DHDDS: variants seen among roughly 807,000 people sequenced by gnomAD.
DHDDS encodes dehydrodolichyl diphosphate synthase complex subunit DHDDS.
In DHDDS, 16 loss-of-function variants were observed where a neutral mutation model predicts 46.2. The ratio of observed to expected loss-of-function variants is 0.35; its 90% CI spans 0.23 to 0.53. DHDDS has a LOEUF of 0.53. DHDDS is among the 20% of genes least tolerant of loss of function. DHDDS has a pLI of 0.94. For missense variants in DHDDS, 340 were observed against 423.7 expected, an observed-to-expected ratio of 0.80 and a Z score of 1.73; for synonymous variants, 151 against 163.1, an observed-to-expected ratio of 0.93 and a Z score of 0.56.
chr1:26,468,606 T>C (rs1253794119), intron 8 of DHDDS, among the ~76,000 whole-genome samples: 3 of 152,200 alleles, frequency 2.0e-5, no homozygotes, highest in Admixed American at 2.0e-4. Context: ...GAATCAGAAG[T>C]CAGACCCACA....
chr1:26,466,680 T>C (rs2075491469), intron 8 of DHDDS, among the ~76,000 whole-genome samples: 1 of 152,250 alleles, frequency 6.6e-6, no homozygotes, highest in Admixed American at 6.5e-5. Flanking sequence ...TGAAGTGGCT[T>C]TAGCTAGCTC....
intron 6 of DHDDS, among the ~76,000 whole-genome samples, chr1:26,450,636 G>A (rs1279571230): frequency 6.6e-6 from 1 of 152,162 alleles, no homozygotes; most frequent in African/African-American, 2.4e-5. Context: ...AGTTGGGAAG[G>A]GGTAGGGCAC....
intron 8 of DHDDS, chr1:26,467,189 G>T: frequency 2.7e-6 from 1 of 373,038 alleles, no homozygotes. Context: ...ATTTTGCATC[G>T]TGGCACTCTG....
intron 5 of DHDDS, 42 bp downstream of exon 5, chr1:26,446,474 T>C: frequency 6.3e-7 from 1 of 1,585,348 alleles, no homozygotes. Flanking sequence ...TTTCAATCTT[T>C]GATTCCCTGC....
chr1:26,432,708 G>T lies in DHDDS; in HGVS notation c.-55-183G>T. The T allele has an allele frequency of 5.4e-6, 3 of 560,686 alleles. No individual in the cohort carries two copies. In the South Asian group the frequency reaches 6.2e-5, roughly 12 times the overall value. The allele number at this position is 560,686 out of a possible 1,614,324, so 34.7% of individuals were successfully genotyped here. A position where few individuals can be genotyped will look rare whatever the true frequency, so the allele number is the denominator to read the frequency against. On this transcript the variant is annotated intron_variant, in intron 1 of 8. Coordinates refer to ENST00000236342, the MANE Select transcript of DHDDS (RefSeq NM_205861.3). ...GCAAAGCCAGGAGAACCGAGGAAAG[G>T]CTTTTGCCTCCAGAGGTCACATTGC...
intron 8 of DHDDS, among the ~76,000 whole-genome samples, chr1:26,463,068 C>G (rs948053054): frequency 6.6e-6 from 1 of 152,162 alleles, no homozygotes; most frequent in Non-Finnish European, 1.5e-5. Context: ...AGAGTCAGAC[C>G]TTGGCTCATA....
At chr1:26,455,208 C>G (rs544731005) in intron 6 of DHDDS, 9 of 717,594 alleles carry the variant, frequency 1.3e-5, no homozygotes, top group Non-Finnish European at 2.0e-5. Context: ...TACCTCAGGC[C>G]GCTTAGGGAA....
chr1:26,458,080 A>G (rs948895952), intron 7 of DHDDS, among the ~76,000 whole-genome samples, 175 bp downstream of exon 7: 1 of 152,194 alleles, frequency 6.6e-6, no homozygotes, highest in African/African-American at 2.4e-5. Flanking sequence ...TTTGATGTCC[A>G]TTCCTCATCT....
In DHDDS at chr1:26,468,933, G is replaced by A; in HGVS notation, c.804G>A (p.Gln268=). The A allele has an allele frequency of 6.2e-7, 1 of 1,614,122 alleles. No individual in the cohort carries two copies. The highest frequency in any genetic ancestry group is 1.7e-4 in the Middle Eastern group (1 of 6,054). The change falls in exon 9 of 9, where the codon CAG becomes CAA. Residue 268 remains glutamine (Q), a synonymous_variant. Transcript: ENST00000236342. ...TGTATGCAGAGGAGCGGAAGAGGCA[G>A]CAGCTGGAGAGGGACCAGGCTACAG... is the stretch of plus-strand genomic sequence containing the variant. ...RDMYAEERKR[Q]QLERDQATVT...
In DHDDS at chr1:26,469,118, C is replaced by A. The variant is rs769003252; in HGVS notation, c.989C>A (p.Thr330Asn). The A allele has an allele frequency of 3.1e-6, 5 of 1,611,914 alleles. No homozygotes were observed. In the African/African-American group the frequency reaches 4.0e-5, roughly 13 times the overall value. The change falls in exon 9 of 9, where the codon ACT becomes AAT. Residue 330 changes from threonine to asparagine, a missense_variant. Thr to Asn is a moderately conservative substitution (Grantham distance 65, BLOSUM62 0). This residue lies in a region of DHDDS where 268 missense variants were observed against 300.3 expected (regional missense o/e 0.89). Transcript: ENST00000236342. ...KRADWLARLG[T>N]ASA is the part of the protein sequence containing the mutation. ...GCTGACTGGCTGGCCCGTCTGGGCA[C>A]TGCATCAGCCTGAATGAGGCTGGCC... is the stretch of plus-strand genomic sequence containing the variant.
In DHDDS at chr1:26,460,096, C is replaced by T. The variant is rs941461978; in HGVS notation, c.717C>T (p.Asn239=). Residue 239 remains asparagine, a synonymous_variant, in exon 8 of 9, where the codon AAC becomes AAT. Transcript: ENST00000236342. ...PVLWPEYTFW[N]LFEAILQFQM... is the part of the protein sequence containing the mutation. ...TGTGGCCAGAGTATACATTTTGGAACCTCTTCGAGGCCATCCTGCAGTTCC... is the reference window on the plus strand; with the variant it reads ...TGTGGCCAGAGTATACATTTTGGAATCTCTTCGAGGCCATCCTGCAGTTCC... 1.9e-6 allele frequency: 3 copies of T among 1,614,204 alleles called. No individual in the cohort carries two copies. The highest frequency in any genetic ancestry group is 2.5e-6 in the Non-Finnish European group (3 of 1,180,032).
At chr1:26,457,094 G>A (rs1241740699) in intron 6 of DHDDS, among the ~76,000 whole-genome samples, 1 of 152,052 alleles carries the variant, frequency 6.6e-6, no homozygotes, top group East Asian at 1.9e-4. Context: ...TAGGCCTGAG[G>A]CTAAATGACT....
chr1:26,447,634 G>C lies in DHDDS; in HGVS notation c.516G>C (p.Gly172=), dbSNP rs776512735. The C allele has an allele frequency of 1.2e-6, 2 of 1,614,140 alleles. No homozygotes were observed. Among genetic ancestry groups the C allele is most frequent in the South Asian group, 2.2e-5 (2 of 91,068 alleles). ...ISNAVREMAW[G]VEQGLLDPSD... Reference sequence around the variant, plus strand: ...ATGCTGTGAGAGAGATGGCCTGGGGGGTGGAGCAAGGCCTGTTGGATCCCA... The same window carrying C: ...ATGCTGTGAGAGAGATGGCCTGGGGCGTGGAGCAAGGCCTGTTGGATCCCA... Residue 172 remains glycine, a synonymous_variant, in exon 6 of 9, where the codon GGG becomes GGC. Coordinates refer to ENST00000236342, the MANE Select transcript of DHDDS (RefSeq NM_205861.3).
chr1:26,436,886 C>T (rs928817149), intron 2 of DHDDS, among the ~76,000 whole-genome samples: 6 of 152,058 alleles, frequency 3.9e-5, no homozygotes, highest in African/African-American at 1.4e-4. Context: ...AACCGCGTGA[C>T]TGGGCCGGGC....
intron 6 of DHDDS, among the ~76,000 whole-genome samples, chr1:26,455,582 A>C (rs2075363568): frequency 6.6e-6 from 1 of 152,092 alleles, no homozygotes. Flanking sequence ...CCCCGTCTTT[A>C]CTCAAAGTAC....
chr1:26,437,936 A>T (rs1019720583), intron 2 of DHDDS, among the ~76,000 whole-genome samples: 2 of 152,154 alleles, frequency 1.3e-5, no homozygotes, highest in African/African-American at 2.4e-5. Context: ...AGCTGTGATC[A>T]TACCATTGCA....
At chr1:26,443,089 T>C (rs2075234963) in intron 4 of DHDDS, 2 of 772,884 alleles carry the variant, frequency 2.6e-6, no homozygotes, top group Non-Finnish European at 3.8e-6. Context: ...TTGAGGATAT[T>C]GAGGGGTGTC....
At chr1:26,440,731 T>C (rs1557435976) in intron 3 of DHDDS, among the ~76,000 whole-genome samples, 1 of 152,082 alleles carries the variant, frequency 6.6e-6, no homozygotes, top group East Asian at 1.9e-4. Flanking sequence ...GACAGTAGAT[T>C]TGTTTGCTTG....
At chr1:26,468,657 A>G (rs891096502) in intron 8 of DHDDS, among the ~76,000 whole-genome samples, 3 of 152,188 alleles carry the variant, frequency 2.0e-5, no homozygotes, top group Non-Finnish European at 4.4e-5. Flanking sequence ...TTTAAGAAGT[A>G]CAGACGCTTC....
Sources: allele counts gnomAD v4.1 joint callset (sites outside exome capture counted in the v4.1 genomes callset), GRCh38; gene constraint gnomAD v4.1.1; regional missense constraint gnomAD v4.1.1; transcripts MANE v1.5; gene names NCBI Gene and HGNC (gene_info 2026-07-23, HGNC 2026-07-21).